The following RAP1GAP2 variants were observed in gnomAD, a reference collection of about 807,000 sequenced individuals.
RAP1GAP2 encodes the protein rap1 GTPase-activating protein 2.
In RAP1GAP2, 27 loss-of-function variants were observed where a neutral mutation model predicts 95.0. The ratio of observed to expected loss-of-function variants is 0.28; its 90% CI spans 0.21 to 0.39. The LOEUF (loss-of-function observed/expected upper bound fraction) is 0.39. Ranked by LOEUF, RAP1GAP2 falls within the 10% of genes least tolerant of loss-of-function variation. The pLI is 1.00. For missense variants in RAP1GAP2, 771 were observed against 970.0 expected (o/e 0.79, Z 2.72); for synonymous variants, 373 against 380.9 (o/e 0.98, Z 0.24).
chr17:2,911,683 G>A (rs2042386932), intron 3 of RAP1GAP2, among the ~76,000 whole-genome samples: 1 of 151,222 alleles, frequency 6.6e-6, no homozygotes, highest in Non-Finnish European at 1.5e-5. Flanking sequence ...ACGCTATGTG[G>A]GGAGGTGGGG....
intron 8 of RAP1GAP2, among the ~76,000 whole-genome samples, chr17:2,972,157 C>T (rs1427325675): frequency 1.3e-5 from 2 of 152,018 alleles, no homozygotes; most frequent in Admixed American, 6.5e-5. Context: ...CTGAACAAAC[C>T]GGTAACTGTG....
intron 2 of RAP1GAP2, among the ~76,000 whole-genome samples, chr17:2,843,290 C>CTT (rs753692076): frequency 7.1e-6 from 1 of 141,214 alleles, no homozygotes; most frequent in Non-Finnish European, 1.6e-5. Flanking sequence ...GTTAATTTCC[C>CTT]TTTTTTTTTT....
rs535875120 is a variant in RAP1GAP2, at chr17:2,974,222, G to A, written c.597-6065G>A. Among the ~76,000 whole-genome samples the A allele has an allele frequency of 2.3e-4, 35 of 151,468 alleles. 1 individual carries two copies. The East Asian group carries it at 3.9e-3, about 17-fold the overall frequency. ...AAATTAGCTGGGCGCAGTGGCAGGC[G>A]CCTGTAGTCCCAGCTACTTGGGAGG... On this transcript the variant is annotated intron_variant, in intron 8 of 24. Coordinates refer to ENST00000254695, the MANE Select transcript of RAP1GAP2 (RefSeq NM_015085.5).
intron 17 of RAP1GAP2, among the ~76,000 whole-genome samples, chr17:3,010,500 C>T (rs906683878): frequency 2.0e-5 from 3 of 152,082 alleles, no homozygotes; most frequent in Admixed American, 6.6e-5. Flanking sequence ...ATTTCTATAT[C>T]CTGGAGATGC....
intron 1 of RAP1GAP2, among the ~76,000 whole-genome samples, chr17:2,758,351 A>G (rs768215115): frequency 2.7e-5 from 4 of 149,330 alleles, no homozygotes; most frequent in Admixed American, 6.7e-5. Flanking sequence ...AATTTTTTCT[A>G]TTTTAGTAGA....
At chr17:2,927,420 T>G (rs1252713706) in intron 3 of RAP1GAP2, among the ~76,000 whole-genome samples, 2 of 152,218 alleles carry the variant, frequency 1.3e-5, no homozygotes, top group Non-Finnish European at 2.9e-5. Flanking sequence ...CCCAAAGTGC[T>G]GGGATTACAG....
chr17:2,936,415 G>A (rs879940715), intron 3 of RAP1GAP2, among the ~76,000 whole-genome samples: 1 of 151,248 alleles, frequency 6.6e-6, no homozygotes, highest in African/African-American at 2.4e-5. Flanking sequence ...GGCCTTCTCC[G>A]CCAGCCAGAT....
chr17:2,979,949 C>CT (rs565734689), intron 8 of RAP1GAP2, among the ~76,000 whole-genome samples: 5 of 151,090 alleles, frequency 3.3e-5, no homozygotes, highest in African/African-American at 9.7e-5. Context: ...TCCTTTTCTT[C>CT]TTTTTTTTGA....
intron 18 of RAP1GAP2, among the ~76,000 whole-genome samples, chr17:3,020,012 G>T (rs1345042008): frequency 6.6e-6 from 1 of 152,192 alleles, no homozygotes; most frequent in Admixed American, 6.5e-5. Flanking sequence ...ACGCCTGCGC[G>T]GCTCCATTTG....
At chr17:2,905,164 T>C in intron 2 of RAP1GAP2, 120 bp from the exon 3 acceptor site, 1 of 871,128 alleles carries the variant, frequency 1.1e-6, no homozygotes, top group Non-Finnish European at 1.8e-6. Flanking sequence ...ATTACTGGCG[T>C]GAGCCACCCA....
intron 2 of RAP1GAP2, among the ~76,000 whole-genome samples, chr17:2,802,274 G>A (rs952980218): frequency 7.9e-5 from 12 of 152,282 alleles, no homozygotes; most frequent in Admixed American, 6.5e-4. Flanking sequence ...CAGTCTTGAC[G>A]GTTGGCATAA....
At chr17:2,995,706 C>T (rs932353941) in intron 13 of RAP1GAP2, among the ~76,000 whole-genome samples, 3 of 150,272 alleles carry the variant, frequency 2.0e-5, no homozygotes, top group South Asian at 2.1e-4. Context: ...GGGCGGGAGG[C>T]GGGGCAGAGC....
rs1567829515 is a variant in RAP1GAP2 at position 2,963,399 on chromosome 17, T to C, written c.247-31T>C. 1.2e-6 allele frequency: 2 copies of C among 1,613,454 alleles called. No individual in the cohort carries two copies. The highest frequency in any genetic ancestry group is 1.7e-6 in the Non-Finnish European group (2 of 1,179,740). On this transcript the variant is annotated intron_variant, in intron 5 of 24. Transcript: ENST00000254695. The surrounding 1 kb of genome is among the most constrained non-coding windows in gnomAD (Gnocchi z 4.8). The stretch of plus-strand genomic sequence containing the variant: ...CAGACTTTACGGGCACTGCCGGGAC[T>C]AACGGTGGCATCATCTGGTTTGTCT...
intron 23 of RAP1GAP2, among the ~76,000 whole-genome samples, chr17:3,031,532 G>A (rs1336424856): frequency 2.0e-4 from 28 of 140,088 alleles, no homozygotes; most frequent in East Asian, 5.3e-4. Flanking sequence ...CCAGACTATG[G>A]AGAACTCCAG....
At chr17:2,926,272 C>CCCCACCTCCACGGGCAGCG (rs2042953587) in intron 3 of RAP1GAP2, among the ~76,000 whole-genome samples, 1 of 152,152 alleles carries the variant, frequency 6.6e-6, no homozygotes, top group Admixed American at 6.5e-5. Flanking sequence ...GCGTGGACAG[C>CCCCACCTCCACGGGCAGCG]CCCACCTCCA....
rs111249685 is a variant in RAP1GAP2, at chr17:2,824,652, A to G, written c.80+24102A>G. 2.4e-3 allele frequency among the ~76,000 whole-genome samples: 356 copies of G among 146,586 alleles called. 1 individual carries two copies. The highest frequency in any genetic ancestry group is 8.5e-3 in the African/African-American group (339 of 39,916). On this transcript the variant is annotated intron_variant, in intron 2 of 24. Transcript: ENST00000254695. Reference sequence around the variant, plus strand: ...CTACTCGGGAGGCTGAGGCAGGAGAATTGCTTGAACCTGGGAGGCGGAGGT... The same window carrying G: ...CTACTCGGGAGGCTGAGGCAGGAGAGTTGCTTGAACCTGGGAGGCGGAGGT...
At chr17:2,816,565 C>T (rs562601165) in intron 2 of RAP1GAP2, among the ~76,000 whole-genome samples, 2 of 152,086 alleles carry the variant, frequency 1.3e-5, no homozygotes, top group South Asian at 4.2e-4. Context: ...TCTCGAACTC[C>T]TGACCTCAGG....
intron 14 of RAP1GAP2, among the ~76,000 whole-genome samples, 178 bp downstream of exon 14, chr17:2,998,554 C>G (rs1291310394): frequency 6.6e-6 from 1 of 152,206 alleles, no homozygotes; most frequent in Non-Finnish European, 1.5e-5. Context: ...ACCTGATCCC[C>G]CTTGCTGCCT....
intron 2 of RAP1GAP2, among the ~76,000 whole-genome samples, chr17:2,878,716 C>T (rs2073178838): frequency 6.6e-6 from 1 of 152,226 alleles, no homozygotes; most frequent in African/African-American, 2.4e-5. Context: ...AACCCTGGCT[C>T]TCTGCTTCTG....
Sources: allele counts gnomAD v4.1 joint callset (sites outside exome capture counted in the v4.1 genomes callset), GRCh38; gene constraint gnomAD v4.1.1; non-coding constraint Gnocchi (gnomAD v3.1); transcripts MANE v1.5; gene names NCBI Gene and HGNC (gene_info 2026-07-23, HGNC 2026-07-21).